VXN: variants seen among roughly 807,000 people sequenced by gnomAD.
VXN encodes the protein vexin, also known as uncharacterized protein C8orf46.
A neutral mutation model predicts 23.1 loss-of-function variants in VXN; 7 were observed. That is an observed-to-expected ratio of 0.30 (90% CI 0.17 to 0.57). The LOEUF is 0.57. Among genes scored for constraint, VXN ranks in the 20% least tolerant of loss-of-function variants. VXN has a pLI of 0.91. For missense variants in VXN, 238 were observed against 272.6 expected (o/e 0.87, Z 0.89); for synonymous variants, 120 against 105.8 (o/e 1.13, Z -0.83).
In VXN at chr8:66,515,769, C is replaced by T. The variant is rs149773989; in HGVS notation, c.441-124C>T. 1.9e-4 allele frequency: 154 copies of T among 813,632 alleles called. No homozygotes were observed. In the African/African-American group the frequency reaches 2.4e-3, roughly 13 times the overall value. The allele number at this position is 813,632 out of a possible 1,614,324, so 50.4% of individuals were successfully genotyped here. A position where few individuals can be genotyped will look rare whatever the true frequency, so the allele number is the denominator to read the frequency against. ...GGTCCCAACAGTGACCTTACAGCTA[C>T]GTGGATCCCGGTCACTGAGGAGGAG... On this transcript the variant is annotated intron_variant, in intron 5 of 5. Coordinates refer to ENST00000305454, the MANE Select transcript of VXN (RefSeq NM_152765.4).
intron 3 of VXN, among the ~76,000 whole-genome samples, chr8:66,508,538 G>C (rs548146487): frequency 1.2e-4 from 18 of 152,264 alleles, no homozygotes; most frequent in African/African-American, 4.1e-4. Context: ...GGGTAGTTCT[G>C]TGACAGCTCC....
chr8:66,495,138 G>A (rs1807611777), intron 1 of VXN: 1 of 152,276 alleles, frequency 6.6e-6, no homozygotes, highest in Admixed American at 6.5e-5. Context: ...TAAAATTAGT[G>A]ATCTCAGTAG....
At chr8:66,497,041 C>T (rs554453797) in intron 2 of VXN, among the ~76,000 whole-genome samples, 9 of 152,086 alleles carry the variant, frequency 5.9e-5, no homozygotes, top group Non-Finnish European at 1.3e-4. Flanking sequence ...CACGCCAGCA[C>T]GCCTGGCTAA....
intron 2 of VXN, among the ~76,000 whole-genome samples, chr8:66,502,866 AG>A: frequency 6.7e-6 from 1 of 149,898 alleles, no homozygotes; most frequent in African/African-American, 2.5e-5. Flanking sequence ...TTTTTTTTTA[AG>A]ATGGGGTCTC....
At position 66,505,531 on chromosome 8, in the gene VXN, A is replaced by C; in HGVS notation, c.280+3A>C. 1 of 1,496,808 alleles carries C rather than the reference A, an allele frequency of 6.7e-7. No homozygotes were observed. The highest frequency in any genetic ancestry group is 1.3e-5 in the South Asian group (1 of 74,434). 92.7% of individuals were successfully genotyped at this position (1,496,808 alleles called of 1,614,324 possible). On this transcript the variant is annotated splice_donor_region_variant and intron_variant, in intron 3 of 5. Coordinates refer to ENST00000305454, the MANE Select transcript of VXN (RefSeq NM_152765.4). ...GGCCAAAGCCTCTGCCAGACCCGGT[A>C]CGTGAGTCCCGGCCCCAGCTCCCCG... is the stretch of plus-strand genomic sequence containing the variant.
chr8:66,505,491 G>A lies in VXN; in HGVS notation c.243G>A (p.Pro81=), dbSNP rs753064397. The change falls in exon 3 of 6, where the codon CCG becomes CCA. Residue 81 remains proline, a synonymous_variant. Coordinates refer to ENST00000305454, the MANE Select transcript of VXN (RefSeq NM_152765.4). The part of the protein sequence containing the change: ...RRFGRLQTAR[P]PTAHPAKASA... Reference sequence around the variant, plus strand: ...TTGGGCGGCTCCAGACCGCGCGGCCGCCCACAGCCCACCCGGCCAAAGCCT... The same window carrying A: ...TTGGGCGGCTCCAGACCGCGCGGCCACCCACAGCCCACCCGGCCAAAGCCT... 9.0e-6 allele frequency: 14 copies of A among 1,555,622 alleles called. No individual in the cohort carries two copies. The South Asian group carries it at 1.5e-4, about 17-fold the overall frequency.
At chr8:66,497,894 G>A (rs962383842) in intron 2 of VXN, among the ~76,000 whole-genome samples, 10 of 151,772 alleles carry the variant, frequency 6.6e-5, no homozygotes, top group Non-Finnish European at 1.0e-4. Context: ...GCGGCCAGGC[G>A]CAGTGGCTCA....
In VXN at chr8:66,493,616, A is replaced by G. The variant is rs893755189; in HGVS notation, c.-33A>G. ...TAGGGGTCCAGAGACAGAGGCCTCC[A>G]GTTCCCAGGCACTTCGGGAAGAGGA... On this transcript the variant is annotated 5_prime_UTR_variant, in exon 1 of 6. Coordinates refer to ENST00000305454, the MANE Select transcript of VXN (RefSeq NM_152765.4). The G allele has an allele frequency of 2.1e-5, 34 of 1,600,948 alleles. No homozygotes were observed. Among genetic ancestry groups the G allele is most frequent in the Non-Finnish European group, 2.8e-5 (33 of 1,168,970 alleles).
chr8:66,513,203 G>C (rs1205871969), intron 4 of VXN, among the ~76,000 whole-genome samples: 1 of 152,190 alleles, frequency 6.6e-6, no homozygotes, highest in African/African-American at 2.4e-5. Flanking sequence ...ATATAAGACT[G>C]AGCTGCGCGG....
At chr8:66,497,091 G>A (rs1444898517) in intron 2 of VXN, among the ~76,000 whole-genome samples, 2 of 152,074 alleles carry the variant, frequency 1.3e-5, no homozygotes, top group Non-Finnish European at 2.9e-5. Context: ...CACCATGTTG[G>A]CCAGGATGGT....
intron 3 of VXN, among the ~76,000 whole-genome samples, chr8:66,508,544 G>T: frequency 6.6e-6 from 1 of 152,142 alleles, no homozygotes; most frequent in Non-Finnish European, 1.5e-5. Flanking sequence ...TTCTGTGACA[G>T]CTCCATGATA....
intron 4 of VXN, among the ~76,000 whole-genome samples, chr8:66,511,375 A>G (rs1807822776): frequency 6.6e-6 from 1 of 152,318 alleles, no homozygotes; most frequent in African/African-American, 2.4e-5. Flanking sequence ...CGTCACAAAC[A>G]AATTGGACAG....
intron 2 of VXN, among the ~76,000 whole-genome samples, chr8:66,499,116 TA>T (rs1402175978): frequency 5.9e-5 from 9 of 151,986 alleles, no homozygotes; most frequent in Admixed American, 6.5e-5. Flanking sequence ...AAGCCACATT[TA>T]TTTTTTTATT....
intron 1 of VXN, among the ~76,000 whole-genome samples, chr8:66,495,219 A>G (rs907540828): frequency 5.3e-5 from 8 of 152,220 alleles, no homozygotes; most frequent in Non-Finnish European, 8.8e-5. Flanking sequence ...CTGATTTTGT[A>G]TTTCTTGTAT....
rs756802224 is a variant in VXN at position 66,505,392 on chromosome 8, C to T, written c.144C>T (p.Asp48=). Residue 48 remains aspartate (D), a synonymous_variant, in exon 3 of 6, where the codon GAC becomes GAT. Coordinates refer to ENST00000305454, the MANE Select transcript of VXN (RefSeq NM_152765.4). ...CCCGGCAGGTGGTGATCGAGTCGGA[C>T]CTGTACACGCACCAGCCCCTGGAGC... ...LLTKNVVIES[D]LYTHQPLELL... is the part of the protein sequence containing the mutation. 10 of 1,581,502 alleles carry T rather than the reference C, an allele frequency of 6.3e-6. No individual in the cohort carries two copies. In the Admixed American group the frequency reaches 1.1e-4, roughly 18 times the overall value.
In VXN at chr8:66,515,972, A is replaced by G. The variant is rs756193718; in HGVS notation, c.520A>G (p.Ser174Gly). ...GAEASLPLTG[S>G]ASCGVPGILR... ...AGAAGCCTCTCTACCACTGACAGGC[A>G]GTGCTTCCTGCGGCGTCCCCGGCAT... Residue 174 changes from serine (S) to glycine (G), a missense_variant, in exon 6 of 6, where the codon AGT becomes GGT. Physicochemically the swap from Ser to Gly is moderately conservative, Grantham distance 56. Transcript: ENST00000305454. 13 of 1,613,888 alleles carry G rather than the reference A, an allele frequency of 8.1e-6. No individual in the cohort carries two copies. Among genetic ancestry groups the G allele is most frequent in the South Asian group, 1.1e-5 (1 of 91,070 alleles).
At chr8:66,511,284 T>C (rs993669694) in intron 4 of VXN, among the ~76,000 whole-genome samples, 1 of 152,204 alleles carries the variant, frequency 6.6e-6, no homozygotes, top group African/African-American at 2.4e-5. Flanking sequence ...TCCTAGACTC[T>C]TTGAGTATCC....
chr8:66,495,919 C>T (rs552345989), intron 1 of VXN, among the ~76,000 whole-genome samples: 13 of 152,322 alleles, frequency 8.5e-5, no homozygotes, highest in African/African-American at 9.6e-5. Flanking sequence ...CTCATTCCCC[C>T]ACTCTTCCAG....
intron 4 of VXN, among the ~76,000 whole-genome samples, 194 bp from the exon 5 acceptor site, chr8:66,513,346 G>A (rs556413160): frequency 5.3e-4 from 80 of 152,260 alleles, no homozygotes; most frequent in African/African-American, 1.7e-3. Flanking sequence ...GCAGACCCAC[G>A]GACTCAGAAG....
Sources: allele counts gnomAD v4.1 joint callset (sites outside exome capture counted in the v4.1 genomes callset), GRCh38; gene constraint gnomAD v4.1.1; transcripts MANE v1.5; gene names NCBI Gene and HGNC (gene_info 2026-07-23, HGNC 2026-07-21).